Variants in ACR observed in about 807,000 individuals in gnomAD.
The protein encoded by ACR is acrosin, also known as acrosin light and heavy chain prepropeptide.
A neutral mutation model predicts 26.0 loss-of-function variants in ACR; 17 were observed. The ratio of observed to expected loss-of-function variants is 0.65; its 90% CI spans 0.45 to 0.98. The LOEUF is 0.98. Among genes scored for constraint, ACR ranks in the 50% least tolerant of loss-of-function variants. The pLI is 0.00. For missense variants in ACR, 435 were observed against 519.3 expected (o/e 0.84, Z 1.58); for synonymous variants, 199 against 207.7 (o/e 0.96, Z 0.36).
intron 1 of ACR, 112 bp downstream of exon 1, chr22:50,738,424 C>T: frequency 1.8e-6 from 2 of 1,099,752 alleles, no homozygotes; most frequent in Admixed American, 2.0e-5. Flanking sequence ...ACCTGGACCC[C>T]CCCTGCTCCC....
intron 4 of ACR, 128 bp from the exon 5 acceptor site, chr22:50,744,525 A>G (rs2146857096): frequency 3.6e-6 from 5 of 1,387,650 alleles, no homozygotes; most frequent in Non-Finnish European, 4.8e-6. Flanking sequence ...ACTTTACTAC[A>G]ACCACTTGTG....
Position 50,744,665 on chromosome 22 carries a change from G to A in ACR, c.724G>A (p.Gly242Arg), listed in dbSNP as rs1455933339. 14 of 1,611,112 alleles carry A rather than the reference G, an allele frequency of 8.7e-6. No homozygotes were observed. Among genetic ancestry groups the A allele is most frequent in the Non-Finnish European group, 1.1e-5 (13 of 1,178,506 alleles). Residue 242 changes from glycine (G) to arginine (R), a missense_variant, in exon 5 of 5, where the codon GGG becomes AGG. By Grantham distance (125) the Gly-to-Arg change is moderately radical. Transcript: ENST00000216139. Reference protein sequence around the residue: ...KIDTCQGDSGGPLMCKDSKES... With the variant: ...KIDTCQGDSGRPLMCKDSKES... ...TCCTTCTGGACAGGGAGACAGCGGC[G>A]GGCCTCTCATGTGCAAAGACAGCAA... is the stretch of plus-strand genomic sequence containing the variant.
rs773101273 is a variant in ACR at position 50,739,619 on chromosome 22, G to A, written c.282-75G>A. 2.1e-5 allele frequency: 33 copies of A among 1,549,386 alleles called. No homozygotes were observed. Among genetic ancestry groups the A allele is most frequent in the Non-Finnish European group, 2.7e-5 (31 of 1,145,666 alleles). On this transcript the variant is annotated intron_variant, in intron 2 of 4. Coordinates refer to ENST00000216139, the MANE Select transcript of ACR (RefSeq NM_001097.3). This position sits in a 1 kb window ranked among gnomAD's most constrained non-coding sequence, Gnocchi z 5.5. ...GGGGGCTGGTCCAGACCTTTGCTAG[G>A]GGAAGGCCCTGAGGGTCGCTGTCAC...
At chr22:50,740,904 T>G (rs2146854129) in intron 3 of ACR, 2 of 571,978 alleles carry the variant, frequency 3.5e-6, no homozygotes, top group South Asian at 2.0e-5. Context: ...CCCTACATAC[T>G]TAGGCACACT....
Position 50,739,435 on chromosome 22 carries a change from G to T in ACR, c.242G>T (p.Arg81Leu). 1 of 1,614,210 alleles carries T rather than the reference G, an allele frequency of 6.2e-7. No individual in the cohort carries two copies. The highest frequency in any genetic ancestry group is 8.5e-7 in the Non-Finnish European group (1 of 1,180,038). The change falls in exon 2 of 5, where the codon CGA becomes CTA. Residue 81 changes from arginine (R) to leucine (L), a missense_variant. Around this residue, in one of 3 missense-constraint regions of ACR, gnomAD observed 314 missense variants for 372.0 expected, o/e 0.84. Transcript: ENST00000216139. The surrounding 1 kb of genome is among the most constrained non-coding windows in gnomAD (Gnocchi z 5.5). ...HTCGGSLLNS[R>L]WVLTAAHCFV... ...TGTGGAGGCAGCTTGCTGAATTCAC[G>T]ATGGGTGCTCACTGCTGCTCACTGC... is the stretch of plus-strand genomic sequence containing the variant.
At chr22:50,740,138 C>G (rs1451175381) in intron 3 of ACR, 161 bp downstream of exon 3, 1 of 927,896 alleles carries the variant, frequency 1.1e-6, no homozygotes. Flanking sequence ...TCCCCTGTGC[C>G]AGGTCACGTG....
chr22:50,738,440 C>T (rs2083408683), intron 1 of ACR, 128 bp downstream of exon 1: 2 of 957,156 alleles, frequency 2.1e-6, no homozygotes, highest in Non-Finnish European at 3.2e-6. Flanking sequence ...CTCCCAGAAT[C>T]AGCAGCCTGG....
chr22:50,741,417 C>T (rs1171145131), intron 3 of ACR, among the ~76,000 whole-genome samples: 1 of 151,988 alleles, frequency 6.6e-6, no homozygotes, highest in Non-Finnish European at 1.5e-5. Flanking sequence ...ATGCTCTGTC[C>T]CCTGTCTGAT....
chr22:50,743,148 G>T (rs374130338), intron 3 of ACR, among the ~76,000 whole-genome samples: 46 of 150,782 alleles, frequency 3.1e-4, no homozygotes, highest in African/African-American at 1.1e-3. Context: ...CCATTCTCCT[G>T]CCTCAGCCTC....
At position 50,739,560 on chromosome 22, in the gene ACR, C is replaced by T. The variant is rs2083414902; in HGVS notation, c.281+86C>T. 2 of 1,585,328 alleles carry T rather than the reference C, an allele frequency of 1.3e-6. No homozygotes were observed. Among genetic ancestry groups the T allele is most frequent in the African/African-American group, 2.7e-5 (2 of 74,576 alleles). On this transcript the variant is annotated intron_variant, in intron 2 of 4. Coordinates refer to ENST00000216139, the MANE Select transcript of ACR (RefSeq NM_001097.3). The surrounding 1 kb of genome is among the most constrained non-coding windows in gnomAD (Gnocchi z 5.5). ...CCCCGGGGATGCTGTGCAGCGTCTC[C>T]CTGGGGCTCTGGGCCAAGTGGCTGC...
At chr22:50,741,564 C>A (rs953000216) in intron 3 of ACR, among the ~76,000 whole-genome samples, 1 of 151,848 alleles carries the variant, frequency 6.6e-6, no homozygotes, top group African/African-American at 2.4e-5. Flanking sequence ...CATGCAAAAC[C>A]TTTTTTGTTC....
At chr22:50,738,482 T>C (rs2083408808) in intron 1 of ACR, among the ~76,000 whole-genome samples, 170 bp downstream of exon 1, 1 of 141,728 alleles carries the variant, frequency 7.1e-6, no homozygotes, top group African/African-American at 2.7e-5. Context: ...CGTGGTTTCC[T>C]CCAGAGATGG....
At chr22:50,740,160 G>C (rs750829387) in intron 3 of ACR, 183 bp downstream of exon 3, 2 of 781,642 alleles carry the variant, frequency 2.6e-6, no homozygotes, top group Admixed American at 2.0e-5. Flanking sequence ...TGGGTGACTC[G>C]TCTGGCTGTC....
rs2083418335 is a variant in ACR at position 50,740,071 on chromosome 22, CTGCT to C, written c.565+96_565+99del. The C allele has an allele frequency of 4.0e-6, 6 of 1,517,664 alleles. No homozygotes were observed. The African/African-American group carries it at 5.5e-5, about 14-fold the overall frequency. The allele number at this position is 1,517,664 out of a possible 1,614,324, so 94.0% of individuals were successfully genotyped here. On this transcript the variant is annotated intron_variant, in intron 3 of 4. Coordinates refer to ENST00000216139, the MANE Select transcript of ACR (RefSeq NM_001097.3). ...GGTCACTTGTTGACACCCAGCCAGG[CTGCT>C]TTCATCCTCCTCACGGCGCTACACG...
In ACR at chr22:50,739,987, G is replaced by T; in HGVS notation, c.565+10G>T. ...TATATAGAAGAGAAAGGTGAGTATG[G>T]GAGCGCCTCCAAGGGGGGACGCTGC... is the stretch of plus-strand genomic sequence containing the variant. On this transcript the variant is annotated intron_variant, in intron 3 of 4. Coordinates refer to ENST00000216139, the MANE Select transcript of ACR (RefSeq NM_001097.3). This position sits in a 1 kb window ranked among gnomAD's most constrained non-coding sequence, Gnocchi z 5.5. The T allele has an allele frequency of 6.2e-7, 1 of 1,613,042 alleles. No individual in the cohort carries two copies. The highest frequency in any genetic ancestry group is 8.5e-7 in the Non-Finnish European group (1 of 1,180,016).
chr22:50,739,650 T>C lies in ACR; in HGVS notation c.282-44T>C, dbSNP rs749966445. 1.9e-6 allele frequency: 3 copies of C among 1,540,312 alleles called. No homozygotes were observed. Among genetic ancestry groups the C allele is most frequent in the Non-Finnish European group, 2.6e-6 (3 of 1,144,162 alleles). ...GCCCTGAGGGTCGCTGTCACCAGGC[T>C]TTTGTCCAGCCGGTTGTGACCTGGC... On this transcript the variant is annotated intron_variant, in intron 2 of 4. Transcript: ENST00000216139. This position sits in a 1 kb window ranked among gnomAD's most constrained non-coding sequence, Gnocchi z 5.5.
rs1275587242 is a variant in ACR, at chr22:50,738,240, T to C, written c.5T>C (p.Val2Ala). ...AGGCCAGGCAGTGCCAGGAGTATGG[T>C]TGAGATGCTACCAACTGCCATTCTG... MVEMLPTAILLV... is the reference protein window; with the variant it reads MAEMLPTAILLV... Residue 2 changes from valine (V) to alanine (A), a missense_variant, in exon 1 of 5, where the codon GTT (valine) becomes GCT (alanine). Transcript: ENST00000216139. 8 of 1,613,898 alleles carry C rather than the reference T, an allele frequency of 5.0e-6. No individual in the cohort carries two copies. In the Admixed American group the frequency reaches 5.0e-5, roughly 10 times the overall value.
Position 50,738,224 on chromosome 22 carries a change from A to G in ACR, c.-12A>G, listed in dbSNP as rs765659275. ...AGGTCACTAGGCTTGCAGGCCAGGC[A>G]GTGCCAGGAGTATGGTTGAGATGCT... is the stretch of plus-strand genomic sequence containing the variant. On this transcript the variant is annotated 5_prime_UTR_variant, in exon 1 of 5. Coordinates refer to ENST00000216139, the MANE Select transcript of ACR (RefSeq NM_001097.3). 28 of 1,613,866 alleles carry G rather than the reference A, an allele frequency of 1.7e-5. No individual in the cohort carries two copies. The African/African-American group carries it at 3.7e-4, about 22-fold the overall frequency.
intron 3 of ACR, among the ~76,000 whole-genome samples, chr22:50,741,215 G>A (rs995525618): frequency 7.9e-5 from 12 of 152,148 alleles, no homozygotes; most frequent in Non-Finnish European, 1.2e-4. Context: ...CTCTGAGGGC[G>A]TGGTCTAAGT....
Sources: allele counts gnomAD v4.1 joint callset (sites outside exome capture counted in the v4.1 genomes callset), GRCh38; gene constraint gnomAD v4.1.1; regional missense constraint gnomAD v4.1.1; non-coding constraint Gnocchi (gnomAD v3.1); transcripts MANE v1.5; gene names NCBI Gene and HGNC (gene_info 2026-07-23, HGNC 2026-07-21).